TRPM3: variants seen among roughly 807,000 people sequenced by gnomAD.
TRPM3 encodes the protein long transient receptor potential channel 3.
A neutral mutation model predicts 181.2 loss-of-function variants in TRPM3; 77 were observed. That is an observed-to-expected ratio of 0.42 (90% CI 0.35 to 0.51). TRPM3 has a LOEUF of 0.51. Ranked by LOEUF, TRPM3 falls within the 20% of genes least tolerant of loss-of-function variation. TRPM3 has a pLI of 0.01. For missense variants in TRPM3, 1,759 were observed against 2,196.7 expected, an observed-to-expected ratio of 0.80 and a Z score of 3.98; for synonymous variants, 745 against 796.4, an observed-to-expected ratio of 0.94 and a Z score of 1.09.
In TRPM3 at chr9:70,593,694, A is replaced by C. The variant is rs551983309; in HGVS notation, c.3049-2489T>G. ...CAAATACCAAAATCTGATAGAATGC[A>C]GTGCAGAAATAGAGCATTATTAGTG... On this transcript the variant is annotated intron_variant, in intron 21 of 25. Coordinates refer to ENST00000677713, the MANE Select transcript of TRPM3 (RefSeq NM_001366145.2). 1.4e-4 allele frequency among the ~76,000 whole-genome samples: 21 copies of C among 152,174 alleles called. No individual in the cohort carries two copies. In the South Asian group the frequency reaches 4.3e-3, roughly 31 times the overall value.
At chr9:71,084,156 TG>T (rs2064882190) in intron 1 of TRPM3, among the ~76,000 whole-genome samples, 1 of 152,016 alleles carries the variant, frequency 6.6e-6, no homozygotes, top group African/African-American at 2.4e-5. Context: ...GAATATTTCC[TG>T]TGATTCTCGT....
chr9:70,697,399 C>G (rs1178687667), intron 8 of TRPM3, among the ~76,000 whole-genome samples: 1 of 152,106 alleles, frequency 6.6e-6, no homozygotes, highest in Non-Finnish European at 1.5e-5. Flanking sequence ...CTTTGGGTTC[C>G]TAAACCCAAG....
At chr9:70,744,332 A>AG (rs1034550380) in intron 8 of TRPM3, among the ~76,000 whole-genome samples, 1 of 151,302 alleles carries the variant, frequency 6.6e-6, no homozygotes, top group African/African-American at 2.4e-5. Context: ...TCTGTCTCAA[A>AG]AAAAAAAAAG....
chr9:70,900,915 T>C (rs191324346), intron 1 of TRPM3, among the ~76,000 whole-genome samples: 18 of 152,372 alleles, frequency 1.2e-4, no homozygotes, highest in South Asian at 2.1e-4. Flanking sequence ...TGAAGGACTA[T>C]GTCTTTGAGG....
chr9:70,664,123 T>C (rs892772230), intron 9 of TRPM3, among the ~76,000 whole-genome samples: 29 of 152,336 alleles, frequency 1.9e-4, no homozygotes, highest in African/African-American at 7.0e-4. Context: ...AGCAGGTAAA[T>C]AATGCCACTG....
chr9:71,273,513 A>G (rs1384821070), intron 1 of TRPM3, among the ~76,000 whole-genome samples: 2 of 152,194 alleles, frequency 1.3e-5, no homozygotes, highest in African/African-American at 4.8e-5. Flanking sequence ...TAACTTGATA[A>G]AGTGTAATTA....
intron 1 of TRPM3, among the ~76,000 whole-genome samples, chr9:71,313,267 C>A (rs1565451951): frequency 6.6e-6 from 1 of 152,078 alleles, no homozygotes; most frequent in Non-Finnish European, 1.5e-5. Context: ...TTTTTAAGTA[C>A]TATCTTTATG....
Position 70,877,830 on chromosome 9 carries a change from C to CACACACACACACACACAT in TRPM3, c.178-13320_178-13319insATGTGTGTGTGTGTGTGT, listed in dbSNP as rs1554756943. ...ACACACACACACACACACACACACA[C>CACACACACACACACACAT]TCCCATGAAATTCCTGGCTCTGGGA... On this transcript the variant is annotated intron_variant, in intron 1 of 25. Transcript: ENST00000677713. Among the ~76,000 whole-genome samples, 95 of 151,038 alleles carry CACACACACACACACACAT rather than the reference C, an allele frequency of 6.3e-4. 1 individual carries two copies. Among genetic ancestry groups the CACACACACACACACACAT allele is most frequent in the Non-Finnish European group, 1.1e-3 (76 of 67,616 alleles).
chr9:71,196,287 C>T (rs2078355641), intron 1 of TRPM3, among the ~76,000 whole-genome samples: 1 of 119,730 alleles, frequency 8.4e-6, no homozygotes, highest in African/African-American at 2.8e-5. Flanking sequence ...TAATTTATTT[C>T]TGATAGTATT....
At chr9:70,871,777 A>T (rs536321609) in intron 1 of TRPM3, among the ~76,000 whole-genome samples, 4 of 152,156 alleles carry the variant, frequency 2.6e-5, no homozygotes, top group African/African-American at 9.6e-5. Flanking sequence ...TGTAATTTGA[A>T]TACTAACAAG....
At chr9:71,039,887 C>A (rs1247899765) in intron 1 of TRPM3, among the ~76,000 whole-genome samples, 1 of 151,970 alleles carries the variant, frequency 6.6e-6, no homozygotes, top group Non-Finnish European at 1.5e-5. Flanking sequence ...ACATGCTCAC[C>A]TTTTGTATTC....
intron 1 of TRPM3, among the ~76,000 whole-genome samples, chr9:70,888,362 G>GGTGGGT (rs1554760781): frequency 1.4e-5 from 2 of 143,624 alleles, no homozygotes; most frequent in Non-Finnish European, 3.0e-5. Flanking sequence ...TTTATTTTGG[G>GGTGGGT]GTGTGTGTGT....
At chr9:70,922,330 A>T (rs1310637772) in intron 1 of TRPM3, among the ~76,000 whole-genome samples, 2 of 152,174 alleles carry the variant, frequency 1.3e-5, no homozygotes, top group Non-Finnish European at 2.9e-5. Flanking sequence ...GTTCCCATGC[A>T]TTATGTCATT....
At chr9:70,552,102 C>T (rs890937139) in intron 24 of TRPM3, among the ~76,000 whole-genome samples, 3 of 152,184 alleles carry the variant, frequency 2.0e-5, no homozygotes, top group African/African-American at 7.2e-5. Flanking sequence ...CTGTTTGACA[C>T]ACTTTGAGAA....
intron 1 of TRPM3, among the ~76,000 whole-genome samples, chr9:71,272,733 CAT>C (rs1258186229): frequency 1.5e-5 from 2 of 137,542 alleles, no homozygotes; most frequent in African/African-American, 2.6e-5. Flanking sequence ...TTTGTATGAT[CAT>C]ATATTTTTTA....
intron 1 of TRPM3, among the ~76,000 whole-genome samples, chr9:71,212,253 A>G (rs1276938630): frequency 2.0e-5 from 3 of 152,132 alleles, no homozygotes; most frequent in Non-Finnish European, 4.4e-5. Flanking sequence ...AATAGCTGGG[A>G]CTATAAGTGT....
chr9:70,944,432 C>T (rs2096913638), intron 1 of TRPM3, among the ~76,000 whole-genome samples: 3 of 152,174 alleles, frequency 2.0e-5, no homozygotes, highest in Admixed American at 2.0e-4. Flanking sequence ...TCCACAGCCC[C>T]ACTTTTCTCT....
chr9:70,938,366 T>C (rs1487953764), intron 1 of TRPM3, among the ~76,000 whole-genome samples: 1 of 152,224 alleles, frequency 6.6e-6, no homozygotes, highest in East Asian at 1.9e-4. Context: ...ACTGGATAAC[T>C]TGTGGTCATC....
chr9:70,881,327 C>T (rs958390818), intron 1 of TRPM3, among the ~76,000 whole-genome samples: 1 of 152,038 alleles, frequency 6.6e-6, no homozygotes, highest in African/African-American at 2.4e-5. Flanking sequence ...ACCTAAATGT[C>T]AATTTTCTTC....
Sources: allele counts gnomAD v4.1 joint callset (sites outside exome capture counted in the v4.1 genomes callset), GRCh38; gene constraint gnomAD v4.1.1; transcripts MANE v1.5; gene names NCBI Gene and HGNC (gene_info 2026-07-23, HGNC 2026-07-21).